TNFSF4: variants seen among roughly 807,000 people sequenced by gnomAD.
The protein encoded by TNFSF4 is tumor necrosis factor ligand superfamily member 4.
TNFSF4 carries 4 observed loss-of-function variants against 7.3 expected under a neutral mutation model. The ratio of observed to expected loss-of-function variants is 0.55; its 90% CI spans 0.27 to 1.25. The LOEUF (loss-of-function observed/expected upper bound fraction) is 1.25, where lower values mean the gene tolerates loss of function less well. TNFSF4 is among the 50% of genes most tolerant of loss of function. TNFSF4 has a pLI of 0.12. For missense variants in TNFSF4, 181 were observed against 208.8 expected, an observed-to-expected ratio of 0.87 and a Z score of 0.82; for synonymous variants, 76 against 83.7, an observed-to-expected ratio of 0.91 and a Z score of 0.50.
the TNFSF4 span, among the ~76,000 whole-genome samples, chr1:173,240,507 G>A: frequency 2.6e-4 from 40 of 152,194 alleles, no homozygotes; most frequent in African/African-American, 9.4e-4. Context: ...GTCTATCCAT[G>A]TTGCTAAATG....
At chr1:173,187,891 C>A (rs1649300423) in intron 2 of TNFSF4, among the ~76,000 whole-genome samples, 1 of 152,196 alleles carries the variant, frequency 6.6e-6, no homozygotes, top group Non-Finnish European at 1.5e-5. Flanking sequence ...CACCGCTAGC[C>A]ACAATTCAGT....
chr1:173,295,984 T>C, the TNFSF4 span, among the ~76,000 whole-genome samples: 2 of 152,124 alleles, frequency 1.3e-5, no homozygotes, highest in Non-Finnish European at 2.9e-5. Flanking sequence ...TACAAGTTTA[T>C]TTGGGTGAAA....
At chr1:173,208,304 C>T (rs532737630), upstream of TNFSF4, among the ~76,000 whole-genome samples, 13 of 152,114 alleles carry the variant, frequency 8.5e-5, no homozygotes, top group African/African-American at 2.2e-4. Flanking sequence ...CTGTTTAAGA[C>T]GGAATTGTCT....
At chr1:173,263,670 A>T in the TNFSF4 span, among the ~76,000 whole-genome samples, 1 of 152,194 alleles carries the variant, frequency 6.6e-6, no homozygotes, top group Admixed American at 6.5e-5. Flanking sequence ...ATGGAGAAAC[A>T]CTTCCTTTAG....
chr1:173,325,106 A>G, the TNFSF4 span, among the ~76,000 whole-genome samples: 1 of 152,190 alleles, frequency 6.6e-6, no homozygotes, highest in Non-Finnish European at 1.5e-5. Context: ...CTGACCACAT[A>G]CTTGGAAGTA....
the TNFSF4 span, among the ~76,000 whole-genome samples, chr1:173,439,121 C>G: frequency 3.9e-5 from 6 of 152,310 alleles, no homozygotes; most frequent in East Asian, 1.2e-3. Flanking sequence ...AGATCCAGTC[C>G]TGGAGGAGTA....
the TNFSF4 span, among the ~76,000 whole-genome samples, chr1:173,337,521 G>A: frequency 6.6e-6 from 1 of 152,180 alleles, no homozygotes; most frequent in African/African-American, 2.4e-5. Context: ...CCAATGACCA[G>A]TTGACAGAGG....
At chr1:173,407,611 A>C in the TNFSF4 span, among the ~76,000 whole-genome samples, 1 of 151,774 alleles carries the variant, frequency 6.6e-6, no homozygotes. Flanking sequence ...TGAAAACTAG[A>C]ATGAATCTGT....
the TNFSF4 span, among the ~76,000 whole-genome samples, chr1:173,352,225 G>A: frequency 6.6e-6 from 1 of 152,046 alleles, no homozygotes; most frequent in African/African-American, 2.4e-5. Flanking sequence ...TCAGGAGCGG[G>A]GACACCTTAC....
At chr1:173,246,548 T>C in the TNFSF4 span, among the ~76,000 whole-genome samples, 1 of 152,312 alleles carries the variant, frequency 6.6e-6, no homozygotes, top group East Asian at 1.9e-4. Flanking sequence ...GTGTGACACA[T>C]ATACACCTCT....
At chr1:173,321,812 A>C in the TNFSF4 span, among the ~76,000 whole-genome samples, 2 of 152,200 alleles carry the variant, frequency 1.3e-5, no homozygotes, top group Middle Eastern at 3.4e-3. Context: ...AAAGTCAGGA[A>C]ATGAGATGCT....
At chr1:173,379,297 CT>C in the TNFSF4 span, among the ~76,000 whole-genome samples, 1 of 151,886 alleles carries the variant, frequency 6.6e-6, no homozygotes, top group Non-Finnish European at 1.5e-5. Flanking sequence ...TCTTAAACAT[CT>C]GCTGACTTGT....
At chr1:173,279,127 G>A in the TNFSF4 span, among the ~76,000 whole-genome samples, 2 of 152,058 alleles carry the variant, frequency 1.3e-5, no homozygotes, top group Non-Finnish European at 2.9e-5. Flanking sequence ...GGACATTGTA[G>A]GTCATAATCA....
At chr1:173,233,277 G>GA in the TNFSF4 span, among the ~76,000 whole-genome samples, 4 of 152,106 alleles carry the variant, frequency 2.6e-5, no homozygotes, top group Admixed American at 1.3e-4. Context: ...GAAGTTTAGA[G>GA]AAAAAACAGT....
At chr1:173,442,082 T>C in the TNFSF4 span, 2 of 152,284 alleles carry the variant, frequency 1.3e-5, 1 homozygote, top group Admixed American at 1.3e-4. Context: ...GTGCTGGTAA[T>C]GTTTAATAAC....
intron 1 of TNFSF4, among the ~76,000 whole-genome samples, chr1:173,206,241 C>T (rs1281343143): frequency 6.6e-6 from 1 of 151,954 alleles, no homozygotes; most frequent in Non-Finnish European, 1.5e-5. Context: ...CAGTGAAGAA[C>T]ATCCTTAAAT....
chr1:173,371,014 T>C, the TNFSF4 span, among the ~76,000 whole-genome samples: 1 of 152,198 alleles, frequency 6.6e-6, no homozygotes, highest in Admixed American at 6.5e-5. Context: ...GCAATGGTTC[T>C]CTGGGCCAGA....
chr1:173,318,571 A>G, the TNFSF4 span, among the ~76,000 whole-genome samples: 1 of 152,216 alleles, frequency 6.6e-6, no homozygotes, highest in Non-Finnish European at 1.5e-5. Context: ...TTTCAACCTC[A>G]TCAATATTTA....
the TNFSF4 span, among the ~76,000 whole-genome samples, chr1:173,293,649 A>G: frequency 6.6e-6 from 1 of 152,156 alleles, no homozygotes; most frequent in African/African-American, 2.4e-5. Flanking sequence ...GCTTCTGCAC[A>G]GCAAAAGAAA....
Sources: gnomAD v4.1 joint callset for allele counts (sites outside exome capture counted in the v4.1 genomes callset) on GRCh38, gnomAD v4.1.1 for gene constraint, MANE v1.5 for transcripts, NCBI Gene and HGNC (gene_info 2026-07-23, HGNC 2026-07-21) for gene names.